Variants in VXN observed in about 807,000 individuals in gnomAD.
VXN encodes the protein uncharacterized protein C8orf46.
Under a neutral mutation model 23.1 loss-of-function variants are expected in VXN, and 7 were observed. The ratio of observed to expected loss-of-function variants is 0.30; its 90% CI spans 0.17 to 0.57. VXN has a LOEUF of 0.57. Ranked by LOEUF, VXN falls within the 20% of genes least tolerant of loss-of-function variation. The probability of loss-of-function intolerance (pLI) is 0.91; values close to 1 mark genes in which losing one functional copy is unlikely to be tolerated. For missense variants in VXN, 238 were observed against 272.6 expected, an observed-to-expected ratio of 0.87 and a Z score of 0.89; for synonymous variants, 120 against 105.8, an observed-to-expected ratio of 1.13 and a Z score of -0.83.
At chr8:66,510,393 C>A in intron 4 of VXN, 5 of 461,066 alleles carry the variant, frequency 1.1e-5, no homozygotes, top group East Asian at 8.0e-5. Context: ...CGCTCTTAGG[C>A]AAACAAAAGA....
At chr8:66,513,813 C>T in intron 5 of VXN, 176 bp downstream of exon 5, 3 of 561,328 alleles carry the variant, frequency 5.3e-6, no homozygotes, top group Non-Finnish European at 9.4e-6. Context: ...TGCAGCGCCT[C>T]ATCAACTGTT....
rs566546389 is a variant in VXN at position 66,516,739 on chromosome 8, C to T, written c.*663C>T. The T allele has an allele frequency of 6.6e-6, 1 of 152,316 alleles. No homozygotes were observed. Among genetic ancestry groups the T allele is most frequent in the African/African-American group, 2.4e-5 (1 of 41,550 alleles). 9.4% of individuals were successfully genotyped at this position (152,316 alleles called of 1,614,324 possible). ...CATAGTCTAGTGGAATCAATAATCC[C>T]TTGCTTTGGTATAATAATTTGAACT... On this transcript the variant is annotated 3_prime_UTR_variant, in exon 6 of 6. Coordinates refer to ENST00000305454, the MANE Select transcript of VXN (RefSeq NM_152765.4).
At chr8:66,508,585 TTC>T (rs1161944615) in intron 3 of VXN, among the ~76,000 whole-genome samples, 1 of 152,120 alleles carries the variant, frequency 6.6e-6, no homozygotes, top group African/African-American at 2.4e-5. Context: ...CCTGACACTG[TTC>T]TCTCAGCAGA....
At chr8:66,515,195 C>T (rs1807873372) in intron 5 of VXN, among the ~76,000 whole-genome samples, 1 of 152,170 alleles carries the variant, frequency 6.6e-6, no homozygotes. Flanking sequence ...ACCTTTCAGT[C>T]CACGTGGCTG....
At chr8:66,508,524 C>G (rs534732533) in intron 3 of VXN, among the ~76,000 whole-genome samples, 75 of 152,310 alleles carry the variant, frequency 4.9e-4, no homozygotes, top group African/African-American at 1.8e-3. Flanking sequence ...CAGCCCTGAG[C>G]TGGGGGTAGT....
rs184157218 is a variant in VXN, at chr8:66,506,660, A to G, written c.280+1132A>G. 3.3e-3 allele frequency among the ~76,000 whole-genome samples: 497 copies of G among 152,344 alleles called. 5 individuals carry two copies. Among genetic ancestry groups the G allele is most frequent in the East Asian group, 2.5e-3 (13 of 5,188 alleles). ...GGACTGAAATAAGACTCTACTGCGTATAGTCCCTTCCTCCATCCAACTTTG... is the reference window on the plus strand; with the variant it reads ...GGACTGAAATAAGACTCTACTGCGTGTAGTCCCTTCCTCCATCCAACTTTG... On this transcript the variant is annotated intron_variant, in intron 3 of 5. Transcript: ENST00000305454.
chr8:66,498,206 C>T (rs1460789962), intron 2 of VXN, among the ~76,000 whole-genome samples: 4 of 150,644 alleles, frequency 2.7e-5, no homozygotes, highest in Admixed American at 2.6e-4. Flanking sequence ...TGGTGCTATG[C>T]TCTTGTTGTC....
chr8:66,509,881 C>A (rs1178855400), intron 3 of VXN, among the ~76,000 whole-genome samples: 11 of 152,146 alleles, frequency 7.2e-5, no homozygotes, highest in Admixed American at 7.2e-4. Context: ...CCTACATAGA[C>A]ACACTGATCT....
intron 2 of VXN, among the ~76,000 whole-genome samples, chr8:66,498,471 G>A (rs1769020577): frequency 1.3e-5 from 2 of 152,102 alleles, no homozygotes; most frequent in South Asian, 4.1e-4. Flanking sequence ...TCCAAAAGCA[G>A]TATATGCTAT....
intron 2 of VXN, among the ~76,000 whole-genome samples, chr8:66,500,556 G>A (rs957674375): frequency 6.6e-6 from 1 of 152,046 alleles, no homozygotes; most frequent in Admixed American, 6.6e-5. Context: ...GATTTAGGGG[G>A]TATGTGTGCA....
chr8:66,515,950 A>G lies in VXN; in HGVS notation c.498A>G (p.Glu166=). 3 of 1,613,806 alleles carry G rather than the reference A, an allele frequency of 1.9e-6. No individual in the cohort carries two copies. Among genetic ancestry groups the G allele is most frequent in the Non-Finnish European group, 2.5e-6 (3 of 1,179,884 alleles). ...ATCCAGCCCTTCCCCAAGGAGCAGAAGCCTCTCTACCACTGACAGGCAGTG... is the reference window on the plus strand; with the variant it reads ...ATCCAGCCCTTCCCCAAGGAGCAGAGGCCTCTCTACCACTGACAGGCAGTG... ...EEYPALPQGA[E]ASLPLTGSAS... is the part of the protein sequence containing the mutation. Residue 166 remains glutamate (E), a synonymous_variant, in exon 6 of 6, where the codon GAA becomes GAG. Transcript: ENST00000305454.
chr8:66,508,696 A>G (rs1021656263), intron 3 of VXN, among the ~76,000 whole-genome samples: 14 of 152,128 alleles, frequency 9.2e-5, no homozygotes, highest in Admixed American at 8.5e-4. Context: ...AAGACCACCC[A>G]AAGTCAGTTT....
intron 5 of VXN, 128 bp from the exon 6 acceptor site, chr8:66,515,765 G>A: frequency 1.3e-6 from 1 of 782,702 alleles, no homozygotes; most frequent in Non-Finnish European, 2.0e-6. Context: ...TGACCTTACA[G>A]CTACGTGGAT....
At chr8:66,493,850 A>G (rs1250252652) in intron 1 of VXN, 132 bp downstream of exon 1, 2 of 706,042 alleles carry the variant, frequency 2.8e-6, no homozygotes, top group Non-Finnish European at 2.4e-6. Context: ...TTTTGATGGT[A>G]TTTGATTTTT....
At chr8:66,506,988 A>G (rs1169040276) in intron 3 of VXN, among the ~76,000 whole-genome samples, 1 of 152,238 alleles carries the variant, frequency 6.6e-6, no homozygotes, top group African/African-American at 2.4e-5. Context: ...CTATAAAATC[A>G]TAAAGTGAAT....
At chr8:66,512,401 G>A (rs1256320933) in intron 4 of VXN, among the ~76,000 whole-genome samples, 6 of 152,230 alleles carry the variant, frequency 3.9e-5, no homozygotes, top group African/African-American at 1.4e-4. Flanking sequence ...GCCAGCTTGG[G>A]ATGGGAGGAG....
At chr8:66,496,321 C>A in intron 1 of VXN, 116 bp from the exon 2 acceptor site, 2 of 901,492 alleles carry the variant, frequency 2.2e-6, no homozygotes, top group South Asian at 1.4e-5. Flanking sequence ...TTTTTCCCGT[C>A]CCCTCCTCTA....
chr8:66,493,976 A>G (rs994578816), intron 1 of VXN, among the ~76,000 whole-genome samples: 1 of 152,244 alleles, frequency 6.6e-6, no homozygotes, highest in Non-Finnish European at 1.5e-5. Context: ...CCAACAGTCC[A>G]GTACACCAAT....
chr8:66,512,692 G>A (rs1327100057), intron 4 of VXN, among the ~76,000 whole-genome samples: 3 of 152,188 alleles, frequency 2.0e-5, no homozygotes, highest in African/African-American at 4.8e-5. Flanking sequence ...GGGGACCTGA[G>A]GACAGAGAAA....
Sources: allele counts gnomAD v4.1 joint callset (sites outside exome capture counted in the v4.1 genomes callset), GRCh38; gene constraint gnomAD v4.1.1; transcripts MANE v1.5; gene names NCBI Gene and HGNC (gene_info 2026-07-23, HGNC 2026-07-21).